Variants in SUSD1 observed in about 807,000 individuals in gnomAD.
The protein encoded by SUSD1 is sushi domain containing 1.
SUSD1 carries 65 observed loss-of-function variants against 86.9 expected under a neutral mutation model. That is an observed-to-expected ratio of 0.75 (90% CI 0.61 to 0.92). SUSD1 has a LOEUF of 0.92. Ranked by LOEUF, SUSD1 falls within the 40% of genes least tolerant of loss-of-function variation. The pLI, the probability that SUSD1 is intolerant of heterozygous loss-of-function variation, is 0.00. For synonymous variants in SUSD1, 346 were observed against 350.0 expected (o/e 0.99, Z 0.13); for missense variants, 850 against 929.7 (o/e 0.91, Z 1.11).
intron 10 of SUSD1, among the ~76,000 whole-genome samples, chr9:112,091,484 G>C (rs1455922651): frequency 6.6e-6 from 1 of 152,044 alleles, no homozygotes; most frequent in Non-Finnish European, 1.5e-5. Flanking sequence ...TCTCCTTGTA[G>C]GATTTTTTAA....
chr9:112,125,370 T>C (rs777910859), intron 5 of SUSD1, among the ~76,000 whole-genome samples: 1 of 152,122 alleles, frequency 6.6e-6, no homozygotes, highest in Non-Finnish European at 1.5e-5. Context: ...ATTATTTCAA[T>C]AAAACCAGAG....
chr9:112,127,498 C>A (rs1162189203), intron 5 of SUSD1, among the ~76,000 whole-genome samples: 1 of 152,008 alleles, frequency 6.6e-6, no homozygotes, highest in Admixed American at 6.6e-5. Context: ...TTCACCCTCA[C>A]ACTGAGCAAA....
At chr9:112,174,767 G>A (rs1038275238) in intron 1 of SUSD1, among the ~76,000 whole-genome samples, 2 of 152,136 alleles carry the variant, frequency 1.3e-5, no homozygotes, top group Non-Finnish European at 2.9e-5. Context: ...TGACAGCGCC[G>A]CAGAACGCCC....
Position 112,040,802 on chromosome 9 carries a change from A to G in SUSD1, c.*690T>C, listed in dbSNP as rs916210788. ...ACAATCTTAATTACGGGATATTTTT[A>G]CTGGAATGTAGACATTACTTTTGAA... On this transcript the variant is annotated 3_prime_UTR_variant, in exon 17 of 17. Transcript: ENST00000374270. 6.6e-6 allele frequency: 1 copy of G among 152,256 alleles called. No homozygotes were observed. Among genetic ancestry groups the G allele is most frequent in the African/African-American group, 2.4e-5 (1 of 41,466 alleles). 9.4% of individuals were successfully genotyped at this position (152,256 alleles called of 1,614,324 possible).
At chr9:112,123,433 C>G (rs1831633080) in intron 6 of SUSD1, among the ~76,000 whole-genome samples, 1 of 152,174 alleles carries the variant, frequency 6.6e-6, no homozygotes, top group Admixed American at 6.5e-5. Context: ...CCAAACACTT[C>G]CCACCAGGCC....
intron 12 of SUSD1, among the ~76,000 whole-genome samples, chr9:112,068,220 G>A (rs889461900): frequency 3.9e-5 from 6 of 152,268 alleles, no homozygotes; most frequent in African/African-American, 1.4e-4. Flanking sequence ...CTGAAGGCAG[G>A]GAGCTGAGCC....
chr9:112,061,106 A>T (rs531961086), intron 13 of SUSD1, among the ~76,000 whole-genome samples: 3 of 152,310 alleles, frequency 2.0e-5, no homozygotes, highest in African/African-American at 7.2e-5. Flanking sequence ...TGATTCCTAT[A>T]ATCTGGCAAT....
At chr9:112,170,462 C>G (rs1161899742) in intron 1 of SUSD1, among the ~76,000 whole-genome samples, 1 of 152,058 alleles carries the variant, frequency 6.6e-6, no homozygotes, top group African/African-American at 2.4e-5. Context: ...TTCTACCCCT[C>G]CTCGCCCATT....
At chr9:112,068,157 A>G (rs1829074134) in intron 12 of SUSD1, among the ~76,000 whole-genome samples, 1 of 152,154 alleles carries the variant, frequency 6.6e-6, no homozygotes, top group South Asian at 2.1e-4. Context: ...TAGTGCCCAG[A>G]GCTGTGATGG....
intron 3 of SUSD1, among the ~76,000 whole-genome samples, chr9:112,144,205 A>C (rs1832708667): frequency 6.6e-6 from 1 of 151,974 alleles, no homozygotes; most frequent in Non-Finnish European, 1.5e-5. Context: ...ACGCCACTGC[A>C]CTCAGCCTGG....
chr9:112,125,528 C>T (rs979292402), intron 5 of SUSD1, among the ~76,000 whole-genome samples: 1 of 142,080 alleles, frequency 7.0e-6, no homozygotes, highest in Non-Finnish European at 1.5e-5. Flanking sequence ...CCCAGTTATA[C>T]CTAAACGCAG....
At chr9:112,139,578 G>A (rs1023977862) in intron 5 of SUSD1, among the ~76,000 whole-genome samples, 1 of 151,984 alleles carries the variant, frequency 6.6e-6, no homozygotes, top group Non-Finnish European at 1.5e-5. Context: ...CCAAGTAGCT[G>A]GGACTATAGG....
At position 112,111,738 on chromosome 9, in the gene SUSD1, A is replaced by G. The variant is rs768782058; in HGVS notation, c.1087T>C (p.Tyr363His). 5.0e-6 allele frequency: 8 copies of G among 1,614,040 alleles called. No homozygotes were observed. In the Admixed American group the frequency reaches 1.2e-4, roughly 24 times the overall value. The change falls in exon 8 of 17, where the codon TAC (tyrosine) becomes CAC (histidine). Residue 363 changes from tyrosine to histidine, a missense_variant. Tyr to His is a moderately conservative substitution (Grantham distance 83, BLOSUM62 2). Transcript: ENST00000374270. ...TTCACGGTGTAGTTGGTGCCTGGGT[A>G]CAGGGCTAGGCACACTTCTGGGGTC... ...SRTPEVCLAL[Y>H]PGTNYTVNIS... is the part of the protein sequence containing the mutation.
At chr9:112,105,891 G>T (rs966791574) in intron 8 of SUSD1, among the ~76,000 whole-genome samples, 1 of 152,148 alleles carries the variant, frequency 6.6e-6, no homozygotes, top group Non-Finnish European at 1.5e-5. Context: ...ATAAACATTT[G>T]CCGGGTACAT....
At chr9:112,154,793 T>C (rs1295577819) in intron 2 of SUSD1, among the ~76,000 whole-genome samples, 1 of 152,162 alleles carries the variant, frequency 6.6e-6, no homozygotes, top group Non-Finnish European at 1.5e-5. Context: ...CTTAATACCA[T>C]GTTATAGCAC....
At chr9:112,115,554 C>T (rs1289996318) in intron 6 of SUSD1, among the ~76,000 whole-genome samples, 1 of 152,134 alleles carries the variant, frequency 6.6e-6, no homozygotes, top group Non-Finnish European at 1.5e-5. Context: ...CGCCTGTAAT[C>T]CTAGCACTTT....
At chr9:112,086,810 C>A (rs1165365757) in intron 10 of SUSD1, among the ~76,000 whole-genome samples, 1 of 151,368 alleles carries the variant, frequency 6.6e-6, no homozygotes, top group Non-Finnish European at 1.5e-5. Flanking sequence ...ATGATTCATG[C>A]CCAGTCTTAT....
At chr9:112,051,046 G>A (rs573545722) in intron 15 of SUSD1, among the ~76,000 whole-genome samples, 1 of 152,348 alleles carries the variant, frequency 6.6e-6, no homozygotes, top group East Asian at 1.9e-4. Flanking sequence ...CAGGGCAGGG[G>A]ATGCTTGCTT....
chr9:112,112,883 G>A lies in SUSD1; in HGVS notation c.887-15C>T. ...TGTCAGAATTTCTAAAAGAGAAAAA[G>A]GCAGTCAACTCACAAAATGCATCAA... is the stretch of plus-strand genomic sequence containing the variant. On this transcript the variant is annotated splice_polypyrimidine_tract_variant and intron_variant, in intron 6 of 16. Coordinates refer to ENST00000374270, the MANE Select transcript of SUSD1 (RefSeq NM_022486.5). 1 of 1,566,604 alleles carries A rather than the reference G, an allele frequency of 6.4e-7. No individual in the cohort carries two copies. The highest frequency in any genetic ancestry group is 1.1e-5 in the South Asian group (1 of 90,026).
Sources: allele counts gnomAD v4.1 joint callset (sites outside exome capture counted in the v4.1 genomes callset), GRCh38; gene constraint gnomAD v4.1.1; transcripts MANE v1.5; gene names NCBI Gene and HGNC (gene_info 2026-07-23, HGNC 2026-07-21).